The following SWAP70 variants were observed in gnomAD, a reference collection of about 807,000 sequenced individuals.
SWAP70 encodes the protein switching B cell complex subunit SWAP70.
In SWAP70, 34 loss-of-function variants were observed where a neutral mutation model predicts 80.2. The observed-to-expected ratio is 0.42, with a 90% CI of 0.32 to 0.56. The LOEUF is 0.56. Ranked by LOEUF, SWAP70 falls within the 20% of genes least tolerant of loss-of-function variation. The pLI, the probability that SWAP70 is intolerant of heterozygous loss-of-function variation, is 0.09. For missense variants in SWAP70, 578 were observed against 690.7 expected (o/e 0.84, Z 1.83); for synonymous variants, 239 against 238.5 (o/e 1.00, Z -0.02).
chr11:9,693,505 C>G (rs1331087946), intron 1 of SWAP70, among the ~76,000 whole-genome samples: 2 of 152,154 alleles, frequency 1.3e-5, no homozygotes, highest in Non-Finnish European at 2.9e-5. Flanking sequence ...CTAATCCAGG[C>G]CCTTGATTTC....
intron 6 of SWAP70, among the ~76,000 whole-genome samples, chr11:9,729,724 C>T (rs1434451078): frequency 6.6e-6 from 1 of 152,136 alleles, no homozygotes; most frequent in African/African-American, 2.4e-5. Context: ...AATCTCCTGA[C>T]CTTGTGATCC....
chr11:9,729,512 T>C (rs1334176624), intron 6 of SWAP70, 61 bp downstream of exon 6: 2 of 1,303,492 alleles, frequency 1.5e-6, no homozygotes, highest in East Asian at 4.7e-5. Context: ...TTCTTTTTTT[T>C]TTCTGAGACG....
chr11:9,723,008 A>G (rs1418429795), intron 3 of SWAP70, among the ~76,000 whole-genome samples: 2 of 152,198 alleles, frequency 1.3e-5, no homozygotes, highest in African/African-American at 4.8e-5. Flanking sequence ...GAGGTGGGAC[A>G]TGTTTGAGAA....
intron 1 of SWAP70, among the ~76,000 whole-genome samples, chr11:9,685,930 C>T (rs1007138291): frequency 3.9e-5 from 6 of 152,112 alleles, no homozygotes; most frequent in Non-Finnish European, 7.4e-5. Context: ...CCATTGCTCC[C>T]GGCGAGGCCT....
At chr11:9,668,866 A>G (rs1850339958) in intron 1 of SWAP70, among the ~76,000 whole-genome samples, 1 of 152,246 alleles carries the variant, frequency 6.6e-6, no homozygotes, top group Non-Finnish European at 1.5e-5. Flanking sequence ...GATAAGGGAT[A>G]TGGTGGTGAA....
intron 1 of SWAP70, among the ~76,000 whole-genome samples, chr11:9,669,984 T>C (rs1264340792): frequency 6.6e-6 from 1 of 152,076 alleles, no homozygotes; most frequent in African/African-American, 2.4e-5. Flanking sequence ...AAAAATTAGC[T>C]GGGTGTGGTG....
chr11:9,703,652 T>G (rs910318145), intron 2 of SWAP70, among the ~76,000 whole-genome samples: 19 of 152,318 alleles, frequency 1.2e-4, no homozygotes, highest in Admixed American at 1.2e-3. Flanking sequence ...GCTGTATTGT[T>G]TGGTGTCTGA....
intron 1 of SWAP70, among the ~76,000 whole-genome samples, chr11:9,675,354 A>G (rs1428344896): frequency 0.02 from 398 of 20,000 alleles, 5 homozygotes; most frequent in African/African-American, 0.051. Flanking sequence ...AGCGAGAGAG[A>G]GAGAGAGAGA....
At chr11:9,731,194 C>T (rs9943599) in intron 6 of SWAP70, among the ~76,000 whole-genome samples, 89,000 of 151,984 alleles carry the variant, frequency 0.59, 26,271 homozygotes, top group Middle Eastern at 0.76. Context: ...AAATGCAATA[C>T]AAGAGGGCTT....
In SWAP70 at chr11:9,670,107, C is replaced by CA. The variant is rs571689511; in HGVS notation, c.99+5830dup. Among the ~76,000 whole-genome samples the CA allele has an allele frequency of 2.4e-4, 37 of 152,156 alleles. No homozygotes were observed. In the East Asian group the frequency reaches 6.4e-3, roughly 26 times the overall value. ...TCACCCTGTACTCCAGCTGGGGCGA[C>CA]ATAGCAGATGTGCTGGCTAGAGTGG... On this transcript the variant is annotated intron_variant, in intron 1 of 11. Transcript: ENST00000318950.
At chr11:9,700,999 G>T (rs930818335) in intron 2 of SWAP70, among the ~76,000 whole-genome samples, 3 of 151,962 alleles carry the variant, frequency 2.0e-5, no homozygotes, top group Non-Finnish European at 4.4e-5. Flanking sequence ...TTCTGAGGAG[G>T]TTCATACCAA....
At chr11:9,730,785 A>G (rs1465381871) in intron 6 of SWAP70, among the ~76,000 whole-genome samples, 1 of 152,192 alleles carries the variant, frequency 6.6e-6, no homozygotes, top group African/African-American at 2.4e-5. Context: ...AAAAATTTCA[A>G]CTTTTATTTT....
At chr11:9,695,424 G>A (rs1850743543) in intron 2 of SWAP70, among the ~76,000 whole-genome samples, 1 of 152,148 alleles carries the variant, frequency 6.6e-6, no homozygotes, top group Non-Finnish European at 1.5e-5. Flanking sequence ...TATACGCCAT[G>A]GAATACTATG....
rs762398860 is a variant in SWAP70, at chr11:9,724,648, C to G, written c.415-10C>G. 8 of 1,590,568 alleles carry G rather than the reference C, an allele frequency of 5.0e-6. No individual in the cohort carries two copies. Among genetic ancestry groups the G allele is most frequent in the South Asian group, 1.1e-5 (1 of 88,830 alleles). On this transcript the variant is annotated splice_polypyrimidine_tract_variant and intron_variant, in intron 3 of 11. Coordinates refer to ENST00000318950, the MANE Select transcript of SWAP70 (RefSeq NM_015055.4). ...AACTAGGAAATAATTATTTCACATT[C>G]TTTATGTAGATTGAATACCTGCTTA...
At chr11:9,739,199 TA>T (rs1851403747) in intron 8 of SWAP70, among the ~76,000 whole-genome samples, 1 of 152,158 alleles carries the variant, frequency 6.6e-6, no homozygotes, top group South Asian at 2.1e-4. Context: ...TTGTCTTAGG[TA>T]GTTAGCTGGT....
At chr11:9,685,645 T>C (rs535911464) in intron 1 of SWAP70, among the ~76,000 whole-genome samples, 1 of 152,026 alleles carries the variant, frequency 6.6e-6, no homozygotes, top group Non-Finnish European at 1.5e-5. Flanking sequence ...TCTTTTTTTT[T>C]TGAGACGGAG....
rs570587591 is a variant in SWAP70, at chr11:9,735,402, C to A, written c.1080+2692C>A. Among the ~76,000 whole-genome samples, 35 of 152,146 alleles carry A rather than the reference C, an allele frequency of 2.3e-4. No individual in the cohort carries two copies. The South Asian group carries it at 7.1e-3, about 31-fold the overall frequency. Reference sequence around the variant, plus strand: ...CAACTGTGTCATTACTTAGTCATTCCCTGTTAGTGAACATTTGGGTTGTGT... The same window carrying A: ...CAACTGTGTCATTACTTAGTCATTCACTGTTAGTGAACATTTGGGTTGTGT... On this transcript the variant is annotated intron_variant, in intron 7 of 11. Coordinates refer to ENST00000318950, the MANE Select transcript of SWAP70 (RefSeq NM_015055.4).
intron 2 of SWAP70, among the ~76,000 whole-genome samples, chr11:9,709,255 G>C (rs1003567153): frequency 6.6e-6 from 1 of 152,008 alleles, no homozygotes; most frequent in African/African-American, 2.4e-5. Flanking sequence ...CTCCCGAGTA[G>C]CTGGGGCTAA....
chr11:9,678,504 A>G (rs1457132504), intron 1 of SWAP70, among the ~76,000 whole-genome samples: 3 of 138,114 alleles, frequency 2.2e-5, no homozygotes, highest in Non-Finnish European at 4.7e-5. Flanking sequence ...TGGGAAATAC[A>G]TGTACTTTTA....
Sources: gnomAD v4.1 joint callset for allele counts (sites outside exome capture counted in the v4.1 genomes callset) on GRCh38, gnomAD v4.1.1 for gene constraint, MANE v1.5 for transcripts, NCBI Gene and HGNC (gene_info 2026-07-23, HGNC 2026-07-21) for gene names.